The following MYH1 variants were observed in gnomAD, a reference collection of about 807,000 sequenced individuals.
MYH1 encodes the protein myosin heavy chain 1.
Under a neutral mutation model 225.6 loss-of-function variants are expected in MYH1, and 214 were observed. The observed-to-expected ratio is 0.95, with a 90% CI of 0.85 to 1.06. MYH1 has a LOEUF of 1.06. Ranked by LOEUF, MYH1 falls within the 50% of genes least tolerant of loss-of-function variation. MYH1 has a pLI of 0.00. For missense variants in MYH1, 2,098 were observed against 2,344.2 expected (o/e 0.89, Z 2.17); for synonymous variants, 774 against 842.3 (o/e 0.92, Z 1.40).
intron 2 of MYH1, among the ~76,000 whole-genome samples, chr17:10,518,018 A>G (rs2142284315): frequency 6.6e-6 from 1 of 152,358 alleles, no homozygotes; most frequent in Non-Finnish European, 1.5e-5. Flanking sequence ...AAAATTCCCA[A>G]GGACTCTGAG....
At chr17:10,508,329 C>A in intron 16 of MYH1, 34 bp downstream of exon 16, 2 of 1,555,660 alleles carry the variant, frequency 1.3e-6, no homozygotes, top group South Asian at 1.3e-5. Context: ...ATGTTTTATA[C>A]ATTAGGTAAA....
At chr17:10,513,794 A>G in intron 8 of MYH1, 27 bp downstream of exon 8, 1 of 1,614,146 alleles carries the variant, frequency 6.2e-7, no homozygotes, top group Non-Finnish European at 8.5e-7. Context: ...AAGGCAGAGA[A>G]GACCCTTTGG....
chr17:10,499,941 G>C (rs1025305051), intron 28 of MYH1, among the ~76,000 whole-genome samples: 25 of 152,090 alleles, frequency 1.6e-4, no homozygotes, highest in African/African-American at 5.8e-4. Flanking sequence ...TACAACTCTG[G>C]TAGAAAGTTG....
intron 39 of MYH1, among the ~76,000 whole-genome samples, chr17:10,493,876 C>T (rs540764776): frequency 2.4e-4 from 37 of 152,330 alleles, no homozygotes; most frequent in African/African-American, 8.4e-4. Context: ...GCCACAGAAC[C>T]GACCTGAAAA....
intron 6 of MYH1, among the ~76,000 whole-genome samples, chr17:10,514,450 C>T (rs1317324931): frequency 6.6e-6 from 1 of 152,174 alleles, no homozygotes; most frequent in African/African-American, 2.4e-5. Context: ...ATGAAACGTG[C>T]ATGTGTTTTT....
At chr17:10,510,672 T>C (rs569037526) in intron 14 of MYH1, among the ~76,000 whole-genome samples, 7 of 152,252 alleles carry the variant, frequency 4.6e-5, no homozygotes, top group Admixed American at 6.5e-5. Context: ...GGCAAGCATA[T>C]GCGAAGTGCC....
At chr17:10,494,891 T>C (rs571095850) in intron 37 of MYH1, 40 bp downstream of exon 37, 1 of 1,614,014 alleles carries the variant, frequency 6.2e-7, no homozygotes, top group South Asian at 1.1e-5. Context: ...GTGTGTTGGA[T>C]TGGAATGAGA....
rs756226304 is a variant in MYH1 at position 10,505,465 on chromosome 17, C to T, written c.2221G>A (p.Asp741Asn). The change falls in exon 20 of 40, where the codon GAT becomes AAT. Residue 741 changes from aspartate to asparagine, a missense_variant. Transcript: ENST00000226207. The stretch of plus-strand genomic sequence containing the variant: ...AGCTTCTCTGAAGCCTTCTTGCTAT[C>T]GATGAATTGTCCTTCAGGGATAGCA... ...ASAIPEGQFI[D>N]SKKASEKLLG... The T allele has an allele frequency of 1.3e-5, 21 of 1,614,028 alleles. No individual in the cohort carries two copies. Among genetic ancestry groups the T allele is most frequent in the South Asian group, 4.4e-5 (4 of 91,086 alleles).
chr17:10,512,619 A>T, intron 11 of MYH1, 62 bp downstream of exon 11: 1 of 1,611,302 alleles, frequency 6.2e-7, no homozygotes, highest in Non-Finnish European at 8.5e-7. Context: ...ACACATATAG[A>T]TGGCTGTTAT....
In MYH1 at chr17:10,512,146, C is replaced by A; in HGVS notation, c.1194G>T (p.Leu398=). The A allele has an allele frequency of 6.2e-7, 1 of 1,614,142 alleles. No individual in the cohort carries two copies. Among genetic ancestry groups the A allele is most frequent in the Non-Finnish European group, 8.5e-7 (1 of 1,180,012 alleles). ...CCCTAGGGTAGCAGAGGGCTTTGAG[C>A]AGATCTGCAGAGTTCAGATTTTGGA... ...AYLQNLNSAD[L]LKALCYPRVK... is the part of the protein sequence containing the mutation. The change falls in exon 13 of 40, where the codon CTG becomes CTT. Residue 398 remains leucine, a synonymous_variant. Transcript: ENST00000226207.
In MYH1 at chr17:10,508,409, C is replaced by T; in HGVS notation, c.1851G>A (p.Met617Ile). 5 of 1,613,720 alleles carry T rather than the reference C, an allele frequency of 3.1e-6. No homozygotes were observed. Among genetic ancestry groups the T allele is most frequent in the Non-Finnish European group, 4.2e-6 (5 of 1,179,756 alleles). ...CAACAAAGAGGAGAGCCAGAGTCTTCATTGCAGACTTCTGGTACAGCCCCA... is the reference window on the plus strand; with the variant it reads ...CAACAAAGAGGAGAGCCAGAGTCTTTATTGCAGACTTCTGGTACAGCCCCA... ...TVVGLYQKSA[M>I]KTLALLFVGA... Residue 617 changes from methionine to isoleucine, a missense_variant, in exon 16 of 40, where the codon ATG (methionine) becomes ATA (isoleucine). Coordinates refer to ENST00000226207, the MANE Select transcript of MYH1 (RefSeq NM_005963.4).
chr17:10,505,936 G>T lies in MYH1; in HGVS notation c.2057-7C>A, dbSNP rs778044884. On this transcript the variant is annotated splice_polypyrimidine_tract_variant and splice_region_variant and intron_variant, in intron 18 of 39. Coordinates refer to ENST00000226207, the MANE Select transcript of MYH1 (RefSeq NM_005963.4). The stretch of plus-strand genomic sequence containing the variant: ...AGCTCATGCTCCATGGCACCTAAAA[G>T]AATGAATCCACATGCCATACTTCGT... 16 of 1,614,142 alleles carry T rather than the reference G, an allele frequency of 9.9e-6. No homozygotes were observed. Among genetic ancestry groups the T allele is most frequent in the East Asian group, 2.2e-5 (1 of 44,870 alleles).
chr17:10,509,769 T>C, intron 14 of MYH1, 114 bp from the exon 15 acceptor site: 1 of 1,551,840 alleles, frequency 6.4e-7, no homozygotes, highest in South Asian at 1.2e-5. Flanking sequence ...CGTTTTGTCC[T>C]ACCTATACCT....
chr17:10,515,647 A>G (rs948616502), intron 5 of MYH1, among the ~76,000 whole-genome samples: 2 of 152,318 alleles, frequency 1.3e-5, no homozygotes, highest in Non-Finnish European at 2.9e-5. Flanking sequence ...ACTTAAATAT[A>G]TAAAATAAAT....
chr17:10,495,488 G>A (rs569613892), intron 35 of MYH1, among the ~76,000 whole-genome samples, 171 bp from the exon 36 acceptor site: 124 of 152,120 alleles, frequency 8.2e-4, no homozygotes, highest in Non-Finnish European at 1.5e-3. Flanking sequence ...CTGGCCGGGC[G>A]CGGTGGCTCA....
chr17:10,495,068 G>C lies in MYH1; in HGVS notation c.5329C>G (p.Gln1777Glu), dbSNP rs956005247. ...AMMAEELKKE[Q>E]DTSAHLERMK... ...CGCTCCAGATGGGCGCTGGTGTCCT[G>C]TTCCTTCTTCAGCTCCTCAGCCATC... Residue 1777 changes from glutamine to glutamate, a missense_variant, in exon 37 of 40, where the codon CAG (glutamine) becomes GAG (glutamate). Transcript: ENST00000226207. 7 of 1,614,120 alleles carry C rather than the reference G, an allele frequency of 4.3e-6. No homozygotes were observed. The highest frequency in any genetic ancestry group is 5.9e-6 in the Non-Finnish European group (7 of 1,180,052).
At chr17:10,514,640 C>T (rs1293346636) in intron 6 of MYH1, among the ~76,000 whole-genome samples, 2 of 152,172 alleles carry the variant, frequency 1.3e-5, no homozygotes, top group East Asian at 3.8e-4. Flanking sequence ...ACTTTCTACA[C>T]ACCAAAAAGT....
In MYH1 at chr17:10,492,846, G is replaced by GTTTT. The variant is rs61147841; in HGVS notation, c.5668-282_5668-279dup. Among the ~76,000 whole-genome samples, 144 of 146,542 alleles carry GTTTT rather than the reference G, an allele frequency of 9.8e-4. 1 individual carries two copies. The East Asian group carries it at 0.016, about 16-fold the overall frequency. The stretch of plus-strand genomic sequence containing the variant: ...CTAAATATGCCAGGTGTCCAGCTTT[G>GTTTT]TTTTTTTTTTTGTTTGTTTGTTTGT... On this transcript the variant is annotated intron_variant, in intron 39 of 39. Coordinates refer to ENST00000226207, the MANE Select transcript of MYH1 (RefSeq NM_005963.4).
Position 10,512,869 on chromosome 17 carries a change from A to C in MYH1, c.902T>G (p.Ile301Ser). 2 of 1,609,942 alleles carry C rather than the reference A, an allele frequency of 1.2e-6. No homozygotes were observed. Among genetic ancestry groups the C allele is most frequent in the Non-Finnish European group, 1.7e-6 (2 of 1,176,226 alleles). Residue 301 changes from isoleucine (I) to serine (S), a missense_variant and splice_region_variant, in exon 10 of 40, where the codon ATT becomes AGT. Physicochemically the swap from Ile to Ser is moderately radical, Grantham distance 142. Transcript: ENST00000226207. The stretch of plus-strand genomic sequence containing the variant: ...CTAGCTATGAATTTATTTCTTACCA[A>C]TTAGATCTGGCTTCTTGTTAGACAT... ...QIMSNKKPDL[I>S]EMLLITTNPY... is the part of the protein sequence containing the mutation.
Sources: gnomAD v4.1 joint callset for allele counts (sites outside exome capture counted in the v4.1 genomes callset) on GRCh38, gnomAD v4.1.1 for gene constraint, MANE v1.5 for transcripts, NCBI Gene and HGNC (gene_info 2026-07-23, HGNC 2026-07-21) for gene names.